DPY19L1: variants seen among roughly 807,000 people sequenced by gnomAD.
The protein encoded by DPY19L1 is protein C-mannosyl-transferase DPY19L1.
In DPY19L1, 35 loss-of-function variants were observed where a neutral mutation model predicts 96.9. That is an observed-to-expected ratio of 0.36 (90% CI 0.28 to 0.48). The LOEUF is 0.48. DPY19L1 is among the 20% of genes least tolerant of loss of function. The probability of loss-of-function intolerance (pLI) is 0.99; values close to 1 mark genes in which losing one functional copy is unlikely to be tolerated. For synonymous variants in DPY19L1, 205 were observed against 252.6 expected, an observed-to-expected ratio of 0.81 and a Z score of 1.79; for missense variants, 521 against 777.9, an observed-to-expected ratio of 0.67 and a Z score of 3.93.
chr7:34,943,584 C>G (rs1784071972), intron 16 of DPY19L1, among the ~76,000 whole-genome samples: 1 of 152,196 alleles, frequency 6.6e-6, no homozygotes, highest in African/African-American at 2.4e-5. Context: ...ATGTCCTACT[C>G]TTCTCCTTTT....
intron 3 of DPY19L1, among the ~76,000 whole-genome samples, chr7:35,014,772 G>A (rs112064652): frequency 1.3e-5 from 2 of 152,128 alleles, no homozygotes; most frequent in Non-Finnish European, 2.9e-5. Flanking sequence ...TCTTGCAGAC[G>A]TGATCAAGTT....
At chr7:34,986,428 G>C (rs1323376160) in intron 7 of DPY19L1, among the ~76,000 whole-genome samples, 1 of 151,934 alleles carries the variant, frequency 6.6e-6, no homozygotes, top group Non-Finnish European at 1.5e-5. Context: ...ATTATTATTT[G>C]TAAGTTAAAA....
Position 34,941,748 on chromosome 7 carries a change from C to T in DPY19L1, c.1689+17G>A. On this transcript the variant is annotated intron_variant, in intron 18 of 21. Transcript: ENST00000638088. Reference sequence around the variant, plus strand: ...CTAAAATTATCATAGTAGCTATACTCCAACATAACATGTTACCTGTCTTGA... The same window carrying T: ...CTAAAATTATCATAGTAGCTATACTTCAACATAACATGTTACCTGTCTTGA... 6.3e-7 allele frequency: 1 copy of T among 1,598,104 alleles called. No homozygotes were observed. Among genetic ancestry groups the T allele is most frequent in the East Asian group, 2.2e-5 (1 of 44,688 alleles).
chr7:34,993,024 T>C (rs1467635205), intron 6 of DPY19L1, among the ~76,000 whole-genome samples: 1 of 152,246 alleles, frequency 6.6e-6, no homozygotes, highest in Non-Finnish European at 1.5e-5. Flanking sequence ...CCTCACACTT[T>C]GTGCTTGAAT....
At chr7:35,019,470 A>G (rs1468747389) in intron 1 of DPY19L1, among the ~76,000 whole-genome samples, 2 of 151,948 alleles carry the variant, frequency 1.3e-5, no homozygotes, top group Non-Finnish European at 2.9e-5. Context: ...AACAAAAGAA[A>G]GAGAAAAAGA....
intron 14 of DPY19L1, among the ~76,000 whole-genome samples, chr7:34,947,982 G>A (rs534607359): frequency 1.2e-4 from 18 of 152,184 alleles, no homozygotes; most frequent in Middle Eastern, 6.8e-3. Context: ...TATCTAACTA[G>A]AGAGACCAAC....
In DPY19L1 at chr7:35,013,550, T is replaced by A. The variant is rs528005379; in HGVS notation, c.549+18A>T. 1 of 1,603,256 alleles carries A rather than the reference T, an allele frequency of 6.2e-7. No individual in the cohort carries two copies. Among genetic ancestry groups the A allele is most frequent in the South Asian group, 1.1e-5 (1 of 89,402 alleles). On this transcript the variant is annotated intron_variant, in intron 4 of 21. Coordinates refer to ENST00000638088, the MANE Select transcript of DPY19L1 (RefSeq NM_001366673.1). Reference sequence around the variant, plus strand: ...TTTTTACAAAAGTGAAAAATCACAATTGGAAAAAGTACCTTACCTCAGGGT... The same window carrying A: ...TTTTTACAAAAGTGAAAAATCACAAATGGAAAAAGTACCTTACCTCAGGGT...
chr7:35,031,086 A>G (rs551116216), intron 1 of DPY19L1, among the ~76,000 whole-genome samples: 1 of 152,314 alleles, frequency 6.6e-6, no homozygotes, highest in Non-Finnish European at 1.5e-5. Flanking sequence ...TATGAATAAT[A>G]AAGCCTAAAG....
At position 34,930,113 on chromosome 7, in the gene DPY19L1, G is replaced by A. The variant is rs1250844388; in HGVS notation, c.*1460C>T. On this transcript the variant is annotated 3_prime_UTR_variant, in exon 22 of 22. Transcript: ENST00000638088. The stretch of plus-strand genomic sequence containing the variant: ...AGTGGGCACCAGAAACCATGCCTGA[G>A]GACTAAGGTCTGAAGGACAATCCAC... The A allele has an allele frequency of 6.6e-6, 1 of 152,228 alleles. No homozygotes were observed. The highest frequency in any genetic ancestry group is 2.4e-5 in the African/African-American group (1 of 41,440). The allele number at this position is 152,228 out of a possible 1,614,324, so 9.4% of individuals were successfully genotyped here.
chr7:34,993,376 C>G (rs1414012405), intron 6 of DPY19L1, among the ~76,000 whole-genome samples: 2 of 152,016 alleles, frequency 1.3e-5, no homozygotes, highest in Non-Finnish European at 2.9e-5. Flanking sequence ...TGAAATTCAG[C>G]CTTTATCTTA....
intron 7 of DPY19L1, among the ~76,000 whole-genome samples, chr7:34,982,003 GAAA>G (rs1784949806): frequency 6.6e-6 from 1 of 152,004 alleles, no homozygotes; most frequent in Non-Finnish European, 1.5e-5. Context: ...TATTAACGAG[GAAA>G]CAATCAGACA....
At chr7:35,016,665 A>C (rs1785854800) in intron 3 of DPY19L1, among the ~76,000 whole-genome samples, 2 of 152,244 alleles carry the variant, frequency 1.3e-5, no homozygotes, top group South Asian at 4.1e-4. Flanking sequence ...TCTTAACATC[A>C]CAGAAAGTGA....
intron 15 of DPY19L1, among the ~76,000 whole-genome samples, chr7:34,946,088 C>T (rs28410384): frequency 0.028 from 4,256 of 152,334 alleles, 69 homozygotes; most frequent in Non-Finnish European, 0.044. Flanking sequence ...AACACCTCTT[C>T]TTAACAGTGC....
chr7:34,995,371 C>T (rs1785259654), intron 6 of DPY19L1, among the ~76,000 whole-genome samples: 1 of 152,000 alleles, frequency 6.6e-6, no homozygotes, highest in South Asian at 2.1e-4. Flanking sequence ...AATATGAAAC[C>T]TCCTACTGTG....
intron 1 of DPY19L1, among the ~76,000 whole-genome samples, chr7:35,021,145 C>T (rs1277851167): frequency 6.6e-6 from 1 of 152,148 alleles, no homozygotes; most frequent in African/African-American, 2.4e-5. Context: ...TAAATGGGGG[C>T]ACTCTTGGCG....
intron 6 of DPY19L1, among the ~76,000 whole-genome samples, chr7:34,992,293 T>G (rs980395367): frequency 6.6e-6 from 1 of 152,320 alleles, no homozygotes; most frequent in East Asian, 1.9e-4. Flanking sequence ...TTCTTGTCTA[T>G]TTTTCTATTT....
chr7:34,996,655 T>C (rs1451972984), intron 6 of DPY19L1, among the ~76,000 whole-genome samples: 4 of 151,968 alleles, frequency 2.6e-5, no homozygotes, highest in African/African-American at 9.7e-5. Context: ...TGTGTTGTCT[T>C]TAACAATGAA....
At chr7:35,002,250 T>C (rs555509617) in intron 6 of DPY19L1, among the ~76,000 whole-genome samples, 105 of 151,860 alleles carry the variant, frequency 6.9e-4, no homozygotes, top group African/African-American at 2.4e-3. Context: ...AGAATATTTA[T>C]TGAATCCAAG....
At chr7:35,019,647 T>C (rs1785946924) in intron 1 of DPY19L1, among the ~76,000 whole-genome samples, 6 of 152,102 alleles carry the variant, frequency 3.9e-5, no homozygotes, top group Non-Finnish European at 4.4e-5. Flanking sequence ...GAAAACCAAA[T>C]AGATCAGATC....
Sources: gnomAD v4.1 joint callset for allele counts (sites outside exome capture counted in the v4.1 genomes callset) on GRCh38, gnomAD v4.1.1 for gene constraint, MANE v1.5 for transcripts, NCBI Gene and HGNC (gene_info 2026-07-23, HGNC 2026-07-21) for gene names.